The following SIT1 variants were observed in gnomAD, a reference collection of about 807,000 sequenced individuals.
SIT1 encodes signaling threshold regulating transmembrane adaptor 1.
SIT1 carries 19 observed loss-of-function variants against 23.5 expected under a neutral mutation model. That is an observed-to-expected ratio of 0.81 (90% CI 0.56 to 1.19). The LOEUF (loss-of-function observed/expected upper bound fraction) is 1.19. Ranked by LOEUF, SIT1 falls within the 50% of genes most tolerant of loss-of-function variation. The pLI is 0.00. For missense variants in SIT1, 213 were observed against 254.9 expected, an observed-to-expected ratio of 0.84 and a Z score of 1.12; for synonymous variants, 114 against 109.1, an observed-to-expected ratio of 1.04 and a Z score of -0.28.
rs1414415314 is a variant in SIT1 at position 35,649,759 on chromosome 9, C to T, written c.*89G>A. ...CACATCCTGTGACTTGGCAATGGCG[C>T]CCGTCTTTGGGTGCTGGTTGGGAAA... is the stretch of plus-strand genomic sequence containing the variant. On this transcript the variant is annotated 3_prime_UTR_variant, in exon 5 of 5. Coordinates refer to ENST00000259608, the MANE Select transcript of SIT1 (RefSeq NM_014450.3). 3.0e-6 allele frequency: 3 copies of T among 1,002,132 alleles called. No homozygotes were observed. Among genetic ancestry groups the T allele is most frequent in the East Asian group, 5.4e-5 (2 of 37,266 alleles). 62.1% of individuals were successfully genotyped at this position (1,002,132 alleles called of 1,614,324 possible).
chr9:35,649,814 G>A lies in SIT1; in HGVS notation c.*34C>T, dbSNP rs549359129. 1.4e-6 allele frequency: 2 copies of A among 1,420,418 alleles called. No individual in the cohort carries two copies. Among genetic ancestry groups the A allele is most frequent in the South Asian group, 2.8e-5 (2 of 71,028 alleles). 88.0% of individuals were successfully genotyped at this position (1,420,418 alleles called of 1,614,324 possible). A position where few individuals can be genotyped will look rare whatever the true frequency, so the allele number is the denominator to read the frequency against. On this transcript the variant is annotated 3_prime_UTR_variant, in exon 5 of 5. Coordinates refer to ENST00000259608, the MANE Select transcript of SIT1 (RefSeq NM_014450.3). ...CATGCCCCTGCTACGGGGGGCTGGGGCAGTGCACGCCCCGCTGTGCCAGGC... is the reference window on the plus strand; with the variant it reads ...CATGCCCCTGCTACGGGGGGCTGGGACAGTGCACGCCCCGCTGTGCCAGGC...
Position 35,649,700 on chromosome 9 carries a change from C to T in SIT1, c.*148G>A, listed in dbSNP as rs887912234. 1 of 580,586 alleles carries T rather than the reference C, an allele frequency of 1.7e-6. No individual in the cohort carries two copies. The allele number at this position is 580,586 out of a possible 1,614,324, so 36.0% of individuals were successfully genotyped here. ...ACGAAAGCTTTGCCCTGAGATGTCTCCCTTGAAGCTCAGATAGGAAGTCCG... is the reference window on the plus strand; with the variant it reads ...ACGAAAGCTTTGCCCTGAGATGTCTTCCTTGAAGCTCAGATAGGAAGTCCG... On this transcript the variant is annotated 3_prime_UTR_variant, in exon 5 of 5. Coordinates refer to ENST00000259608, the MANE Select transcript of SIT1 (RefSeq NM_014450.3).
chr9:35,650,547 G>A lies in SIT1; in HGVS notation c.191C>T (p.Ser64Phe). The A allele has an allele frequency of 2.5e-6, 4 of 1,613,960 alleles. No homozygotes were observed. The highest frequency in any genetic ancestry group is 3.4e-6 in the Non-Finnish European group (4 of 1,180,024). ...LFLISLAAHLSQWTRGRSRSH... is the reference protein window; with the variant it reads ...LFLISLAAHLFQWTRGRSRSH... ...CCTGCTCCGGCCCCTGGTCCACTGG[G>A]ACAAGTGTGCAGCCAGCGAGATGAG... Residue 64 changes from serine to phenylalanine, a missense_variant, in exon 2 of 5, where the codon TCC becomes TTC. Coordinates refer to ENST00000259608, the MANE Select transcript of SIT1 (RefSeq NM_014450.3). The surrounding 1 kb of genome is among the most constrained non-coding windows in gnomAD (Gnocchi z 4.8).
rs1823452045 is a variant in SIT1 at position 35,650,284 on chromosome 9, T to G, written c.296-39A>C. The G allele has an allele frequency of 1.9e-6, 3 of 1,611,472 alleles. No individual in the cohort carries two copies. The African/African-American group carries it at 4.0e-5, about 21-fold the overall frequency. ...CAGGAATCTGGTCAGCAACTTGTCC[T>G]TCCTCCTGCACGCCCCCATCCCAGC... On this transcript the variant is annotated intron_variant, in intron 3 of 4. Transcript: ENST00000259608. The surrounding 1 kb of genome is among the most constrained non-coding windows in gnomAD (Gnocchi z 4.8).
Position 35,649,530 on chromosome 9 carries a change from T to G in SIT1, c.*318A>C. ...CTGTGCCTGAGGAGACACTGAGGCGTGGGGGTAGACTATGAGGGAGCGGGG... is the reference window on the plus strand; with the variant it reads ...CTGTGCCTGAGGAGACACTGAGGCGGGGGGGTAGACTATGAGGGAGCGGGG... On this transcript the variant is annotated 3_prime_UTR_variant, in exon 5 of 5. Coordinates refer to ENST00000259608, the MANE Select transcript of SIT1 (RefSeq NM_014450.3). 3.6e-5 allele frequency: 8 copies of G among 221,830 alleles called. No individual in the cohort carries two copies. The highest frequency in any genetic ancestry group is 6.2e-5 in the Non-Finnish European group (7 of 113,160). 13.7% of individuals were successfully genotyped at this position (221,830 alleles called of 1,614,324 possible).
In SIT1 at chr9:35,650,657, G is replaced by T. The variant is rs779303547; in HGVS notation, c.101-20C>A. On this transcript the variant is annotated intron_variant, in intron 1 of 4. Coordinates refer to ENST00000259608, the MANE Select transcript of SIT1 (RefSeq NM_014450.3). The surrounding 1 kb of genome is among the most constrained non-coding windows in gnomAD (Gnocchi z 4.8). The stretch of plus-strand genomic sequence containing the variant: ...GGATTCCTGTGGATGTGAAAGGAAG[G>T]GGGGTGTAACAGCCCCGCCCCACCC... 2 of 1,613,242 alleles carry T rather than the reference G, an allele frequency of 1.2e-6. No homozygotes were observed. Among genetic ancestry groups the T allele is most frequent in the Non-Finnish European group, 1.7e-6 (2 of 1,179,742 alleles).
rs367993416 is a variant in SIT1, at chr9:35,650,718, C to A, written c.100+36G>T. On this transcript the variant is annotated intron_variant, in intron 1 of 4. Transcript: ENST00000259608. This position sits in a 1 kb window ranked among gnomAD's most constrained non-coding sequence, Gnocchi z 4.8. ...GCAGGTGGGACCTGGGGCCACATGA[C>A]CCCTCCCCCACCAGCCCCTGCCCTG... 2 of 1,610,956 alleles carry A rather than the reference C, an allele frequency of 1.2e-6. No homozygotes were observed. The highest frequency in any genetic ancestry group is 3.3e-5 in the Admixed American group (2 of 59,940).
At position 35,649,468 on chromosome 9, in the gene SIT1, A is replaced by G. The variant is rs532504969; in HGVS notation, c.*380T>C. The G allele has an allele frequency of 1.1e-3, 187 of 177,564 alleles. 2 individuals carry two copies. The highest frequency in any genetic ancestry group is 4.3e-3 in the African/African-American group (180 of 42,228). The allele number at this position is 177,564 out of a possible 1,614,324, so 11.0% of individuals were successfully genotyped here. A position where few individuals can be genotyped will look rare whatever the true frequency, so the allele number is the denominator to read the frequency against. Reference sequence around the variant, plus strand: ...TCCTGAGGAATATACCCACCCACCCACTGTCAGGCCCTTACCCCTCCCCCA... The same window carrying G: ...TCCTGAGGAATATACCCACCCACCCGCTGTCAGGCCCTTACCCCTCCCCCA... On this transcript the variant is annotated 3_prime_UTR_variant, in exon 5 of 5. Transcript: ENST00000259608.
Position 35,650,135 on chromosome 9 carries a change from GC to G in SIT1, c.357+48del. 1 of 1,612,090 alleles carries G rather than the reference GC, an allele frequency of 6.2e-7. No individual in the cohort carries two copies. Among genetic ancestry groups the G allele is most frequent in the Non-Finnish European group, 8.5e-7 (1 of 1,178,400 alleles). On this transcript the variant is annotated intron_variant, in intron 4 of 4. Coordinates refer to ENST00000259608, the MANE Select transcript of SIT1 (RefSeq NM_014450.3). The surrounding 1 kb of genome is among the most constrained non-coding windows in gnomAD (Gnocchi z 4.8). The stretch of plus-strand genomic sequence containing the variant: ...CTGGACCCTCGGAAAAGCCCGAAAA[GC>G]CCCCCACTTCCTTCCCTCCCCCTTT...
In SIT1 at chr9:35,650,928, T is replaced by C; in HGVS notation, c.-75A>G. 9.1e-7 allele frequency: 1 copy of C among 1,097,774 alleles called. No homozygotes were observed. Among genetic ancestry groups the C allele is most frequent in the South Asian group, 1.3e-5 (1 of 74,746 alleles). The allele number at this position is 1,097,774 out of a possible 1,614,324, so 68.0% of individuals were successfully genotyped here. A position where few individuals can be genotyped will look rare whatever the true frequency, so the allele number is the denominator to read the frequency against. On this transcript the variant is annotated 5_prime_UTR_variant, in exon 1 of 5. Coordinates refer to ENST00000259608, the MANE Select transcript of SIT1 (RefSeq NM_014450.3). This position sits in a 1 kb window ranked among gnomAD's most constrained non-coding sequence, Gnocchi z 4.8. ...GTACCCCGCAGCTCAGCATCCCCAA[T>C]ACTGGTGGTGGCAAAGTCTCTGGTT... is the stretch of plus-strand genomic sequence containing the variant.
rs1476256831 is a variant in SIT1 at position 35,650,020 on chromosome 9, G to A, written c.419C>T (p.Pro140Leu). 6.3e-7 allele frequency: 1 copy of A among 1,586,476 alleles called. No individual in the cohort carries two copies. ...LQLRPPQGRIPGPGTPVKYSE... is the reference protein window; with the variant it reads ...LQLRPPQGRILGPGTPVKYSE... ...GTACTTGACGGGGGTTCCAGGACCG[G>A]GGATCCGACCCTGAGGAGGCCGCAG... The change falls in exon 5 of 5, where the codon CCC becomes CTC. Residue 140 changes from proline (P) to leucine (L), a missense_variant. Transcript: ENST00000259608. The surrounding 1 kb of genome is among the most constrained non-coding windows in gnomAD (Gnocchi z 4.8).
Position 35,650,552 on chromosome 9 carries a change from G to C in SIT1, c.186C>G (p.His62Gln), listed in dbSNP as rs200098613. 1 of 1,613,884 alleles carries C rather than the reference G, an allele frequency of 6.2e-7. No individual in the cohort carries two copies. Among genetic ancestry groups the C allele is most frequent in the African/African-American group, 1.3e-5 (1 of 74,912 alleles). ...TCCGGCCCCTGGTCCACTGGGACAA[G>C]TGTGCAGCCAGCGAGATGAGAAATA... ...TLLFLISLAA[H>Q]LSQWTRGRSR... Residue 62 changes from histidine (H) to glutamine (Q), a missense_variant, in exon 2 of 5, where the codon CAC (histidine) becomes CAG (glutamine). Physicochemically the swap from His to Gln is conservative, Grantham distance 24. Coordinates refer to ENST00000259608, the MANE Select transcript of SIT1 (RefSeq NM_014450.3). The surrounding 1 kb of genome is among the most constrained non-coding windows in gnomAD (Gnocchi z 4.8).
Position 35,649,956 on chromosome 9 carries a change from G to A in SIT1, c.483C>T (p.Ala161=), listed in dbSNP as rs1823446264. ...CATAGAGCTCCGGCTCGGGGCCCGA[G>A]GCCTGGGACTTTGGCTCAGAGTCCA... ...VVLDSEPKSQ[A]SGPEPELYAS... Residue 161 remains alanine, a synonymous_variant, in exon 5 of 5, where the codon GCC becomes GCT. Transcript: ENST00000259608. 1 of 1,583,082 alleles carries A rather than the reference G, an allele frequency of 6.3e-7. No individual in the cohort carries two copies. Among genetic ancestry groups the A allele is most frequent in the Admixed American group, 1.8e-5 (1 of 54,366 alleles).
In SIT1 at chr9:35,650,532, C is replaced by T; in HGVS notation, c.206G>A (p.Gly69Asp). The T allele has an allele frequency of 1.2e-6, 2 of 1,614,038 alleles. No individual in the cohort carries two copies. The highest frequency in any genetic ancestry group is 1.1e-5 in the South Asian group (1 of 91,082). ...CTGCCCCGGATGGCTCCTGCTCCGG[C>T]CCCTGGTCCACTGGGACAAGTGTGC... The part of the protein sequence containing the change: ...LAAHLSQWTR[G>D]RSRSHPGQGR... The change falls in exon 2 of 5, where the codon GGC (glycine) becomes GAC (aspartate). Residue 69 changes from glycine to aspartate, a missense_variant. Coordinates refer to ENST00000259608, the MANE Select transcript of SIT1 (RefSeq NM_014450.3). The surrounding 1 kb of genome is among the most constrained non-coding windows in gnomAD (Gnocchi z 4.8).
chr9:35,650,390 G>C lies in SIT1; in HGVS notation c.262C>G (p.Pro88Ala). The change falls in exon 3 of 5, where the codon CCG (proline) becomes GCG (alanine). Residue 88 changes from proline (P) to alanine (A), a missense_variant. By Grantham distance (27) the Pro-to-Ala change is conservative (BLOSUM62 -1). Coordinates refer to ENST00000259608, the MANE Select transcript of SIT1 (RefSeq NM_014450.3). This position sits in a 1 kb window ranked among gnomAD's most constrained non-coding sequence, Gnocchi z 4.8. ...AGATAATGCAGGTTCCCATACAGCG[G>C]GACCTCTTCCACAGACTCTCCAGAG... ...GRSGESVEEVPLYGNLHYLQT... is the reference protein window; with the variant it reads ...GRSGESVEEVALYGNLHYLQT... 1 of 1,614,070 alleles carries C rather than the reference G, an allele frequency of 6.2e-7. No individual in the cohort carries two copies. The highest frequency in any genetic ancestry group is 8.5e-7 in the Non-Finnish European group (1 of 1,180,004).
chr9:35,650,410 C>A lies in SIT1; in HGVS notation c.242G>T (p.Gly81Val). 1 of 1,614,112 alleles carries A rather than the reference C, an allele frequency of 6.2e-7. No homozygotes were observed. Among genetic ancestry groups the A allele is most frequent in the East Asian group, 2.2e-5 (1 of 44,874 alleles). The change falls in exon 3 of 5, where the codon GGA becomes GTA. Residue 81 changes from glycine (G) to valine (V), a missense_variant. Gly to Val is a moderately radical substitution (Grantham distance 109). Transcript: ENST00000259608. This position sits in a 1 kb window ranked among gnomAD's most constrained non-coding sequence, Gnocchi z 4.8. ...CAGCGGGACCTCTTCCACAGACTCT[C>A]CAGAGCTGCAACGCAGAGTTTAGGG... ...SRSHPGQGRS[G>V]ESVEEVPLYG...
In SIT1 at chr9:35,650,816, A is replaced by C. The variant is rs1221643649; in HGVS notation, c.38T>G (p.Leu13Trp). ...CATGGCTGCAGATGTGAGAGTCCAC[A>C]AGCACACTGCTCTGAGCCGAGGGTC... ...QADPRLRAVC[L>W]WTLTSAAMSR... Residue 13 changes from leucine to tryptophan, a missense_variant, in exon 1 of 5, where the codon TTG becomes TGG. Coordinates refer to ENST00000259608, the MANE Select transcript of SIT1 (RefSeq NM_014450.3). The surrounding 1 kb of genome is among the most constrained non-coding windows in gnomAD (Gnocchi z 4.8). 6.2e-7 allele frequency: 1 copy of C among 1,613,402 alleles called. No individual in the cohort carries two copies. The highest frequency in any genetic ancestry group is 1.1e-5 in the South Asian group (1 of 90,974).
Position 35,650,893 on chromosome 9 carries a change from C to T in SIT1, c.-40G>A. 1.4e-6 allele frequency: 2 copies of T among 1,472,776 alleles called. No homozygotes were observed. Among genetic ancestry groups the T allele is most frequent in the Non-Finnish European group, 9.3e-7 (1 of 1,069,998 alleles). The allele number at this position is 1,472,776 out of a possible 1,614,324, so 91.2% of individuals were successfully genotyped here. A position where few individuals can be genotyped will look rare whatever the true frequency, so the allele number is the denominator to read the frequency against. ...CACAGCACTTCTTACTCCCATCCCTCCTCAGGCCCGTACCCCGCAGCTCAG... is the reference window on the plus strand; with the variant it reads ...CACAGCACTTCTTACTCCCATCCCTTCTCAGGCCCGTACCCCGCAGCTCAG... On this transcript the variant is annotated 5_prime_UTR_variant, in exon 1 of 5. Coordinates refer to ENST00000259608, the MANE Select transcript of SIT1 (RefSeq NM_014450.3). This position sits in a 1 kb window ranked among gnomAD's most constrained non-coding sequence, Gnocchi z 4.8.
chr9:35,650,727 C>G lies in SIT1; in HGVS notation c.100+27G>C. Reference sequence around the variant, plus strand: ...ACCTGGGGCCACATGACCCCTCCCCCACCAGCCCCTGCCCTGCCCAGCTCA... The same window carrying G: ...ACCTGGGGCCACATGACCCCTCCCCGACCAGCCCCTGCCCTGCCCAGCTCA... On this transcript the variant is annotated intron_variant, in intron 1 of 4. Coordinates refer to ENST00000259608, the MANE Select transcript of SIT1 (RefSeq NM_014450.3). This position sits in a 1 kb window ranked among gnomAD's most constrained non-coding sequence, Gnocchi z 4.8. 1.2e-6 allele frequency: 2 copies of G among 1,612,124 alleles called. No individual in the cohort carries two copies. Among genetic ancestry groups the G allele is most frequent in the Non-Finnish European group, 1.7e-6 (2 of 1,179,010 alleles).
Sources: gnomAD v4.1 joint callset for allele counts on GRCh38, gnomAD v4.1.1 for gene constraint, Gnocchi (gnomAD v3.1) non-coding constraint, MANE v1.5 for transcripts, NCBI Gene and HGNC (gene_info 2026-07-23, HGNC 2026-07-21) for gene names.